ZNF532: variants seen among roughly 807,000 people sequenced by gnomAD.
The protein encoded by ZNF532 is zinc finger protein 532.
A neutral mutation model predicts 89.3 loss-of-function variants in ZNF532; 22 were observed. That is an observed-to-expected ratio of 0.25 (90% CI 0.18 to 0.35). The LOEUF is 0.35. Among genes scored for constraint, ZNF532 ranks in the 10% least tolerant of loss-of-function variants. The pLI is 1.00. For synonymous variants in ZNF532, 606 were observed against 649.6 expected, an observed-to-expected ratio of 0.93 and a Z score of 1.02; for missense variants, 1,132 against 1,643.4, an observed-to-expected ratio of 0.69 and a Z score of 5.38.
chr18:58,981,382 C>A (rs886320720), intron 8 of ZNF532, 88 bp from the exon 9 acceptor site: 2 of 1,518,596 alleles, frequency 1.3e-6, no homozygotes, highest in East Asian at 2.3e-5. Flanking sequence ...TGTGAACTGA[C>A]GGCTAAGGAG....
intron 7 of ZNF532, chr18:58,954,200 T>G: frequency 2.0e-6 from 2 of 990,414 alleles, no homozygotes; most frequent in Non-Finnish European, 2.4e-6. Context: ...GTAGCATTTG[T>G]GTGACTTACA....
intron 2 of ZNF532, among the ~76,000 whole-genome samples, chr18:58,913,531 G>A (rs2060410297): frequency 6.6e-6 from 1 of 151,948 alleles, no homozygotes; most frequent in African/African-American, 2.4e-5. Flanking sequence ...CAGGAGGATT[G>A]TTTGAGCTCA....
At chr18:58,946,562 C>G (rs1472802735) in intron 5 of ZNF532, among the ~76,000 whole-genome samples, 4 of 152,138 alleles carry the variant, frequency 2.6e-5, no homozygotes, top group Non-Finnish European at 5.9e-5. Context: ...CATGAGCCAC[C>G]ATGCTGGCCT....
chr18:58,902,306 C>G (rs992363765), intron 2 of ZNF532, among the ~76,000 whole-genome samples: 1 of 152,098 alleles, frequency 6.6e-6, no homozygotes, highest in Non-Finnish European at 1.5e-5. Flanking sequence ...AAGTCAAAAG[C>G]AAGAGTCACA....
intron 2 of ZNF532, among the ~76,000 whole-genome samples, chr18:58,917,786 G>A (rs2060713609): frequency 6.6e-6 from 1 of 151,652 alleles, no homozygotes; most frequent in Non-Finnish European, 1.5e-5. Context: ...TTTCTTCTGT[G>A]GATGAATATT....
intron 7 of ZNF532, among the ~76,000 whole-genome samples, chr18:58,957,410 T>C (rs1236989364): frequency 2.2e-4 from 13 of 58,302 alleles, no homozygotes; most frequent in African/African-American, 3.2e-4. Context: ...AAAATACATA[T>C]ATATATATAT....
intron 2 of ZNF532, among the ~76,000 whole-genome samples, chr18:58,907,288 C>T (rs912109347): frequency 1.3e-5 from 2 of 152,092 alleles, no homozygotes; most frequent in Admixed American, 1.3e-4. Flanking sequence ...TGGGCTCAAG[C>T]GATTCTCTTG....
intron 6 of ZNF532, among the ~76,000 whole-genome samples, chr18:58,952,709 C>T (rs996857402): frequency 6.6e-6 from 1 of 152,206 alleles, no homozygotes; most frequent in Non-Finnish European, 1.5e-5. Flanking sequence ...TACACCCCAC[C>T]CCGCTGTTTT....
chr18:58,894,381 C>T (rs563284599), intron 2 of ZNF532, among the ~76,000 whole-genome samples: 1 of 150,724 alleles, frequency 6.6e-6, no homozygotes, highest in East Asian at 2.0e-4. Flanking sequence ...GCAGGAGAAT[C>T]GCTTGAACCT....
intron 2 of ZNF532, among the ~76,000 whole-genome samples, chr18:58,888,325 G>A (rs1006014500): frequency 6.6e-6 from 1 of 152,038 alleles, no homozygotes. Context: ...ACAATGTCAC[G>A]TTTTCTAATT....
At chr18:58,927,878 C>G (rs1250444198) in intron 3 of ZNF532, among the ~76,000 whole-genome samples, 2 of 152,126 alleles carry the variant, frequency 1.3e-5, no homozygotes, top group Non-Finnish European at 2.9e-5. Context: ...TTTCTGTTGT[C>G]TCTGAATGGA....
At position 58,916,003 on chromosome 18, in the gene ZNF532, G is replaced by C. The variant is rs1164822508; in HGVS notation, c.-17-2268G>C. On this transcript the variant is annotated intron_variant, in intron 2 of 9. Coordinates refer to ENST00000591808, the MANE Select transcript of ZNF532 (RefSeq NM_001375912.1). ...TAGGGCAGAGCCCCACTACCATGGG[G>C]ACTTCCAGAGCCTGAGCCCAAGCTT... 2.6e-5 allele frequency among the ~76,000 whole-genome samples: 4 copies of C among 152,216 alleles called. No homozygotes were observed. In the East Asian group the frequency reaches 5.8e-4, roughly 22 times the overall value.
intron 7 of ZNF532, among the ~76,000 whole-genome samples, chr18:58,960,369 G>A (rs558566658): frequency 1.2e-4 from 19 of 152,298 alleles, no homozygotes; most frequent in African/African-American, 4.3e-4. Context: ...TCTTTACATG[G>A]GGTGAAAGGA....
chr18:58,957,015 A>G (rs972731947), intron 7 of ZNF532, among the ~76,000 whole-genome samples: 3 of 152,210 alleles, frequency 2.0e-5, no homozygotes, highest in African/African-American at 7.2e-5. Flanking sequence ...TAGACCAAGA[A>G]TGAGTTCTGA....
intron 6 of ZNF532, 151 bp from the exon 7 acceptor site, chr18:58,953,367 T>G: frequency 2.9e-6 from 2 of 678,472 alleles, no homozygotes; most frequent in South Asian, 2.4e-5. Flanking sequence ...GAAATGTATA[T>G]TTAGCTTAGG....
chr18:58,977,998 TTG>T (rs1311341591), intron 7 of ZNF532, among the ~76,000 whole-genome samples: 1 of 152,262 alleles, frequency 6.6e-6, no homozygotes, highest in East Asian at 1.9e-4. Flanking sequence ...TTTAATTTCC[TTG>T]TGATATGACA....
chr18:58,939,830 T>C (rs1377798895), intron 5 of ZNF532: 4 of 412,296 alleles, frequency 9.7e-6, no homozygotes, highest in East Asian at 3.7e-5. Flanking sequence ...CGTTACCTAT[T>C]ATTTATGCTC....
intron 2 of ZNF532, among the ~76,000 whole-genome samples, chr18:58,909,733 C>T (rs2060166778): frequency 6.6e-6 from 1 of 152,130 alleles, no homozygotes; most frequent in South Asian, 2.1e-4. Context: ...GGAGTGTTTT[C>T]TGGCTGTGAG....
chr18:58,890,589 C>A (rs548389937), intron 2 of ZNF532, among the ~76,000 whole-genome samples: 1 of 145,342 alleles, frequency 6.9e-6, no homozygotes, highest in African/African-American at 2.5e-5. Context: ...CACTAACTGC[C>A]GCCCATTTTT....
Sources: gnomAD v4.1 joint callset for allele counts (sites outside exome capture counted in the v4.1 genomes callset) on GRCh38, gnomAD v4.1.1 for gene constraint, MANE v1.5 for transcripts, NCBI Gene and HGNC (gene_info 2026-07-23, HGNC 2026-07-21) for gene names.